Variants in GALNT10 observed in about 807,000 individuals in gnomAD.
GALNT10 encodes polypeptide N-acetylgalactosaminyltransferase 10.
Under a neutral mutation model 75.0 loss-of-function variants are expected in GALNT10, and 41 were observed. The ratio of observed to expected loss-of-function variants is 0.55; its 90% CI spans 0.43 to 0.71. The LOEUF is 0.71. GALNT10 is among the 30% of genes least tolerant of loss of function. The pLI is 0.00. For missense variants in GALNT10, 727 were observed against 818.5 expected, an observed-to-expected ratio of 0.89 and a Z score of 1.36; for synonymous variants, 302 against 313.0, an observed-to-expected ratio of 0.96 and a Z score of 0.37.
chr5:154,226,308 T>C (rs1265722160), intron 1 of GALNT10, among the ~76,000 whole-genome samples: 1 of 152,206 alleles, frequency 6.6e-6, no homozygotes, highest in East Asian at 1.9e-4. Context: ...AAGACTATAG[T>C]ATTACTGTTT....
intron 7 of GALNT10, among the ~76,000 whole-genome samples, chr5:154,401,699 G>A (rs1431065287): frequency 1.3e-5 from 2 of 152,038 alleles, no homozygotes; most frequent in African/African-American, 2.4e-5. Context: ...ATCCCCTCTC[G>A]GGAGGGCCAG....
chr5:154,366,553 T>A (rs1408881303), intron 4 of GALNT10, among the ~76,000 whole-genome samples: 3 of 152,012 alleles, frequency 2.0e-5, no homozygotes, highest in African/African-American at 4.8e-5. Context: ...TTCCCTCAGA[T>A]CTGCTGTGTC....
At chr5:154,195,863 A>G (rs1054168115) in intron 1 of GALNT10, among the ~76,000 whole-genome samples, 1 of 151,990 alleles carries the variant, frequency 6.6e-6, no homozygotes, top group African/African-American at 2.4e-5. Flanking sequence ...CTATCTGGCT[A>G]TTTTTTTGTA....
chr5:154,315,576 G>A (rs193236435), intron 3 of GALNT10, among the ~76,000 whole-genome samples: 1 of 152,352 alleles, frequency 6.6e-6, no homozygotes, highest in Admixed American at 6.5e-5. Context: ...AAGAGAATTT[G>A]ATTGGTCTGG....
intron 3 of GALNT10, among the ~76,000 whole-genome samples, chr5:154,299,277 CA>C (rs1292117971): frequency 6.6e-6 from 1 of 152,196 alleles, no homozygotes; most frequent in Non-Finnish European, 1.5e-5. Flanking sequence ...AGTGTTTTAA[CA>C]AGGCCTCCAG....
chr5:154,283,038 T>C (rs933141542), intron 1 of GALNT10, among the ~76,000 whole-genome samples: 1 of 152,116 alleles, frequency 6.6e-6, no homozygotes, highest in Non-Finnish European at 1.5e-5. Context: ...TGTGGGAGCA[T>C]CTGCATTCAT....
chr5:154,271,817 T>C (rs1753869805), intron 1 of GALNT10, among the ~76,000 whole-genome samples: 1 of 152,202 alleles, frequency 6.6e-6, no homozygotes, highest in Admixed American at 6.5e-5. Flanking sequence ...AGAGTGTTTC[T>C]TAGAAAATAA....
At chr5:154,225,034 A>C (rs1753039988) in intron 1 of GALNT10, among the ~76,000 whole-genome samples, 1 of 151,464 alleles carries the variant, frequency 6.6e-6, no homozygotes, top group South Asian at 2.1e-4. Context: ...CACCCACCTC[A>C]GCCTCCCAAA....
chr5:154,208,311 G>T (rs1237361735), intron 1 of GALNT10, among the ~76,000 whole-genome samples: 1 of 152,130 alleles, frequency 6.6e-6, no homozygotes, highest in Non-Finnish European at 1.5e-5. Flanking sequence ...AGGCCTGAGA[G>T]CACAGTGAAG....
chr5:154,416,800 T>C lies in GALNT10; in HGVS notation c.1654-14T>C, dbSNP rs752756297. ...CTCCAGTGCTGTCTGGCTTATTACC[T>C]CCATGTTTTGTAGGACAAGACCCTG... On this transcript the variant is annotated splice_polypyrimidine_tract_variant and intron_variant, in intron 11 of 11. Coordinates refer to ENST00000297107, the MANE Select transcript of GALNT10 (RefSeq NM_198321.4). The surrounding 1 kb of genome is among the most constrained non-coding windows in gnomAD (Gnocchi z 4.5). The C allele has an allele frequency of 1.9e-6, 3 of 1,606,612 alleles. No individual in the cohort carries two copies. Among genetic ancestry groups the C allele is most frequent in the Non-Finnish European group, 2.6e-6 (3 of 1,173,330 alleles).
intron 4 of GALNT10, among the ~76,000 whole-genome samples, chr5:154,342,586 G>A (rs1271007758): frequency 6.6e-6 from 1 of 152,198 alleles, no homozygotes; most frequent in African/African-American, 2.4e-5. Flanking sequence ...TCCAGGCATG[G>A]CAGGTCACTA....
chr5:154,231,684 G>C (rs116582272), intron 1 of GALNT10, among the ~76,000 whole-genome samples: 2,757 of 152,246 alleles, frequency 0.018, 62 homozygotes, highest in African/African-American at 0.062. Context: ...TCTCCTGTGG[G>C]GGTAATGAGG....
intron 1 of GALNT10, among the ~76,000 whole-genome samples, chr5:154,196,752 T>C (rs918858619): frequency 6.6e-6 from 1 of 152,208 alleles, no homozygotes; most frequent in Non-Finnish European, 1.5e-5. Flanking sequence ...ATGTGCTGTC[T>C]GAACCATTCG....
At chr5:154,210,112 C>A (rs1775172209) in intron 1 of GALNT10, among the ~76,000 whole-genome samples, 1 of 152,154 alleles carries the variant, frequency 6.6e-6, no homozygotes, top group Non-Finnish European at 1.5e-5. Flanking sequence ...TCAGAGTTAT[C>A]TTTTGGAAAT....
chr5:154,201,574 TTTGTTGTTG>T (rs548986990), intron 1 of GALNT10, among the ~76,000 whole-genome samples: 12 of 152,066 alleles, frequency 7.9e-5, no homozygotes, highest in Middle Eastern at 3.4e-3. Flanking sequence ...CTAATAAAGT[TTTGTTGTTG>T]TTGTTGTTGT....
At chr5:154,229,524 C>T (rs775105250) in intron 1 of GALNT10, among the ~76,000 whole-genome samples, 12 of 151,498 alleles carry the variant, frequency 7.9e-5, no homozygotes, top group African/African-American at 2.7e-4. Context: ...GTCAGGAGAT[C>T]GAGACCATCT....
At chr5:154,334,744 G>T (rs1214634806) in intron 4 of GALNT10, among the ~76,000 whole-genome samples, 2 of 152,194 alleles carry the variant, frequency 1.3e-5, no homozygotes, top group African/African-American at 4.8e-5. Context: ...TGTAGGAAAT[G>T]GTTCCCAGCA....
rs1755806206 is a variant in GALNT10, at chr5:154,386,361, C to T, written c.987C>T (p.Phe329=). The T allele has an allele frequency of 1.9e-6, 3 of 1,614,108 alleles. No individual in the cohort carries two copies. The East Asian group carries it at 6.7e-5, about 36-fold the overall frequency. ...GGLFAVDRKW[F]WELGGYDPGL... ...TGTTCGCCGTGGATCGGAAGTGGTTCTGGGAACTCGGCGGGTATGACCCAG... is the reference window on the plus strand; with the variant it reads ...TGTTCGCCGTGGATCGGAAGTGGTTTTGGGAACTCGGCGGGTATGACCCAG... The change falls in exon 7 of 12, where the codon TTC becomes TTT. Residue 329 remains phenylalanine, a synonymous_variant. Transcript: ENST00000297107.
intron 4 of GALNT10, among the ~76,000 whole-genome samples, chr5:154,341,460 G>A (rs1426385185): frequency 2.0e-5 from 3 of 152,184 alleles, no homozygotes; most frequent in African/African-American, 4.8e-5. Context: ...GAAGGTGAAA[G>A]CAGGTGGAAT....
Sources: gnomAD v4.1 joint callset for allele counts (sites outside exome capture counted in the v4.1 genomes callset) on GRCh38, gnomAD v4.1.1 for gene constraint, Gnocchi (gnomAD v3.1) non-coding constraint, MANE v1.5 for transcripts, NCBI Gene and HGNC (gene_info 2026-07-23, HGNC 2026-07-21) for gene names.